RBMS3: variants seen among roughly 807,000 people sequenced by gnomAD.
RBMS3 encodes RNA binding motif single stranded interacting protein 3.
In RBMS3, 27 loss-of-function variants were observed where a neutral mutation model predicts 66.8. The observed-to-expected ratio is 0.40, with a 90% CI of 0.30 to 0.56. RBMS3 has a LOEUF of 0.56. Ranked by LOEUF, RBMS3 falls within the 20% of genes least tolerant of loss-of-function variation. The probability of loss-of-function intolerance (pLI) is 0.40; values close to 1 mark genes in which losing one functional copy is unlikely to be tolerated. For missense variants in RBMS3, 513 were observed against 549.5 expected, an observed-to-expected ratio of 0.93 and a Z score of 0.66; for synonymous variants, 188 against 183.0, an observed-to-expected ratio of 1.03 and a Z score of -0.22.
chr3:29,959,653 A>G (rs1460642986), intron 12 of RBMS3, among the ~76,000 whole-genome samples: 1 of 152,128 alleles, frequency 6.6e-6, no homozygotes, highest in East Asian at 1.9e-4. Flanking sequence ...GTAATGTGTA[A>G]AGGAAAGAGG....
intron 1 of RBMS3, among the ~76,000 whole-genome samples, chr3:29,383,735 T>A (rs188920338): frequency 7.2e-4 from 109 of 152,310 alleles, no homozygotes; most frequent in Non-Finnish European, 4.6e-4. Context: ...AAATGTGCGA[T>A]CTGGACTCTG....
chr3:29,793,033 T>A (rs1158237144), intron 6 of RBMS3, among the ~76,000 whole-genome samples: 2 of 150,980 alleles, frequency 1.3e-5, no homozygotes, highest in Non-Finnish European at 3.0e-5. Flanking sequence ...AGGTCAGGAG[T>A]TCAAGAGCAG....
intron 1 of RBMS3, among the ~76,000 whole-genome samples, chr3:29,427,252 G>A (rs943168748): frequency 6.6e-6 from 1 of 152,230 alleles, no homozygotes; most frequent in African/African-American, 2.4e-5. Context: ...ATAATGGAGA[G>A]GCAATTGCCT....
chr3:29,654,596 A>G (rs1418871553), intron 4 of RBMS3, among the ~76,000 whole-genome samples: 14 of 137,344 alleles, frequency 1.0e-4, no homozygotes, highest in African/African-American at 3.5e-4. Flanking sequence ...TTTGACTTTT[A>G]AACTTTTTTT....
chr3:29,508,755 G>C (rs1226521790), intron 3 of RBMS3, among the ~76,000 whole-genome samples: 1 of 151,784 alleles, frequency 6.6e-6, no homozygotes. Context: ...TCTGGTTCTA[G>C]ATCCTTGAGA....
At chr3:29,716,547 G>A (rs2149314413) in intron 4 of RBMS3, among the ~76,000 whole-genome samples, 1 of 152,238 alleles carries the variant, frequency 6.6e-6, no homozygotes, top group African/African-American at 2.4e-5. Flanking sequence ...TCTTTTCTGT[G>A]CAAGAGTGTT....
chr3:29,817,776 C>A (rs896608313), intron 6 of RBMS3, among the ~76,000 whole-genome samples: 2 of 151,536 alleles, frequency 1.3e-5, no homozygotes, highest in African/African-American at 4.9e-5. Flanking sequence ...AAATGATAAA[C>A]CATTTGAAAT....
intron 1 of RBMS3, among the ~76,000 whole-genome samples, chr3:29,285,729 A>C (rs986737359): frequency 6.6e-6 from 1 of 152,170 alleles, no homozygotes; most frequent in Non-Finnish European, 1.5e-5. Flanking sequence ...ATATTCAACC[A>C]TCTGCAGCCA....
At chr3:29,317,899 C>G (rs971822222) in intron 1 of RBMS3, among the ~76,000 whole-genome samples, 1 of 151,776 alleles carries the variant, frequency 6.6e-6, no homozygotes, top group Non-Finnish European at 1.5e-5. Context: ...AGCCTTTTAT[C>G]TGGAGTTTAC....
At chr3:29,706,301 G>A (rs1359247107) in intron 4 of RBMS3, among the ~76,000 whole-genome samples, 1 of 152,068 alleles carries the variant, frequency 6.6e-6, no homozygotes, top group Non-Finnish European at 1.5e-5. Context: ...GATACTTGTA[G>A]TTCCCTCCCT....
chr3:29,446,736 T>G (rs1397545816), intron 2 of RBMS3, among the ~76,000 whole-genome samples: 2 of 152,134 alleles, frequency 1.3e-5, no homozygotes, highest in Non-Finnish European at 2.9e-5. Context: ...TAAAACATGG[T>G]AATCATAGTC....
rs2052347200 is a variant in RBMS3 at position 29,697,770 on chromosome 3, T to C, written c.400-41950T>C. On this transcript the variant is annotated intron_variant, in intron 4 of 14. Transcript: ENST00000383767. ...AAGTAATTTTGGGCATGAAACAAAG[T>C]TGCGACTGTTTTTTCTGCGACCCAC... Among the ~76,000 whole-genome samples the C allele has an allele frequency of 2.6e-5, 4 of 152,358 alleles. No homozygotes were observed. The South Asian group carries it at 8.3e-4, about 32-fold the overall frequency.
At chr3:29,541,622 G>T (rs1008308833) in intron 3 of RBMS3, among the ~76,000 whole-genome samples, 7 of 152,060 alleles carry the variant, frequency 4.6e-5, no homozygotes, top group African/African-American at 1.7e-4. Flanking sequence ...TTCATCCCTT[G>T]CCCCTCTTCT....
intron 3 of RBMS3, among the ~76,000 whole-genome samples, chr3:29,536,948 T>C (rs979254758): frequency 5.3e-5 from 8 of 152,192 alleles, no homozygotes; most frequent in Admixed American, 2.0e-4. Flanking sequence ...GTACTAAGAC[T>C]TTACTACCAG....
rs184128960 is a variant in RBMS3, at chr3:30,007,483, A to G, written c.*3621A>G. The G allele has an allele frequency of 2.0e-4, 30 of 152,184 alleles. No individual in the cohort carries two copies. Among genetic ancestry groups the G allele is most frequent in the African/African-American group, 7.2e-4 (30 of 41,546 alleles). The allele number at this position is 152,184 out of a possible 1,614,324, so 9.4% of individuals were successfully genotyped here. A position where few individuals can be genotyped will look rare whatever the true frequency, so the allele number is the denominator to read the frequency against. ...AAGCCACAATCCAAATGAGAGAAACACTGTCTCGTCTAAACTCTAGTTTCA... is the reference window on the plus strand; with the variant it reads ...AAGCCACAATCCAAATGAGAGAAACGCTGTCTCGTCTAAACTCTAGTTTCA... On this transcript the variant is annotated 3_prime_UTR_variant, in exon 15 of 15. Coordinates refer to ENST00000383767, the MANE Select transcript of RBMS3 (RefSeq NM_001003793.3).
At chr3:29,903,651 C>T (rs540348176) in intron 10 of RBMS3, among the ~76,000 whole-genome samples, 1 of 152,014 alleles carries the variant, frequency 6.6e-6, no homozygotes, top group East Asian at 1.9e-4. Flanking sequence ...AGCAGAGTTC[C>T]ACTTTCTTAA....
In RBMS3 at chr3:29,425,531, C is replaced by A. The variant is rs185876167; in HGVS notation, c.76-9212C>A. 2.7e-5 allele frequency among the ~76,000 whole-genome samples: 4 copies of A among 150,284 alleles called. No individual in the cohort carries two copies. The East Asian group carries it at 7.9e-4, about 30-fold the overall frequency. The stretch of plus-strand genomic sequence containing the variant: ...ACTGCACCTATAATCCCAGCTACTC[C>A]GGAGGCTGAGACAGGGGAATTGCTT... On this transcript the variant is annotated intron_variant, in intron 1 of 14. Coordinates refer to ENST00000383767, the MANE Select transcript of RBMS3 (RefSeq NM_001003793.3).
chr3:29,970,661 TAGAA>T (rs1559849263), intron 12 of RBMS3, among the ~76,000 whole-genome samples: 3 of 152,180 alleles, frequency 2.0e-5, no homozygotes, highest in Admixed American at 6.6e-5. Flanking sequence ...CCATACCCTT[TAGAA>T]GTCCAAAGCT....
intron 4 of RBMS3, among the ~76,000 whole-genome samples, chr3:29,683,664 G>A (rs2051594754): frequency 6.6e-6 from 1 of 152,162 alleles, no homozygotes; most frequent in South Asian, 2.1e-4. Context: ...GCTAAGGAAT[G>A]TTGCTGCTGA....
Sources: gnomAD v4.1 joint callset for allele counts (sites outside exome capture counted in the v4.1 genomes callset) on GRCh38, gnomAD v4.1.1 for gene constraint, MANE v1.5 for transcripts, NCBI Gene and HGNC (gene_info 2026-07-23, HGNC 2026-07-21) for gene names.